Variants in VPS13A observed in about 807,000 individuals in gnomAD.
VPS13A encodes vacuolar protein sorting 13 homolog A.
In VPS13A, 264 loss-of-function variants were observed where a neutral mutation model predicts 390.9. That is an observed-to-expected ratio of 0.68 (90% CI 0.61 to 0.75). The LOEUF is 0.75. Ranked by LOEUF, VPS13A falls within the 30% of genes least tolerant of loss-of-function variation. The pLI, the probability that VPS13A is intolerant of heterozygous loss-of-function variation, is 0.00. For synonymous variants in VPS13A, 1,231 were observed against 1,227.1 expected, an observed-to-expected ratio of 1.00 and a Z score of -0.07; for missense variants, 3,409 against 3,733.9, an observed-to-expected ratio of 0.91 and a Z score of 2.27.
rs1826445191 is a variant in VPS13A, at chr9:77,273,167, C to A, written c.2428-113C>A. On this transcript the variant is annotated intron_variant, in intron 23 of 71. Coordinates refer to ENST00000360280, the MANE Select transcript of VPS13A (RefSeq NM_033305.3). Reference sequence around the variant, plus strand: ...AACCTGATTATCTTCTCAGTTAATTCAAATTGGATAGCTTTTTGTCAAAAC... The same window carrying A: ...AACCTGATTATCTTCTCAGTTAATTAAAATTGGATAGCTTTTTGTCAAAAC... The A allele has an allele frequency of 7.6e-6, 6 of 794,572 alleles. No homozygotes were observed. In the East Asian group the frequency reaches 1.7e-4, roughly 22 times the overall value. 49.2% of individuals were successfully genotyped at this position (794,572 alleles called of 1,614,324 possible). A position where few individuals can be genotyped will look rare whatever the true frequency, so the allele number is the denominator to read the frequency against.
intron 46 of VPS13A, among the ~76,000 whole-genome samples, 166 bp from the exon 47 acceptor site, chr9:77,337,089 G>A (rs1003526337): frequency 3.9e-5 from 6 of 151,944 alleles, no homozygotes; most frequent in African/African-American, 1.4e-4. Context: ...GAGCCACCGC[G>A]CCTGGCCTTA....
intron 23 of VPS13A, among the ~76,000 whole-genome samples, chr9:77,269,138 A>C (rs1408700718): frequency 6.6e-6 from 1 of 152,014 alleles, no homozygotes; most frequent in African/African-American, 2.4e-5. Flanking sequence ...ACATCTCTGC[A>C]ATTTTTGCCT....
chr9:77,254,394 G>A (rs1825326625), intron 22 of VPS13A, among the ~76,000 whole-genome samples: 1 of 152,000 alleles, frequency 6.6e-6, no homozygotes, highest in African/African-American at 2.4e-5. Context: ...TATTCCATTG[G>A]TCTCTATGTC....
Position 77,226,475 on chromosome 9 carries a change from G to C in VPS13A, c.1234G>C (p.Ala412Pro). ...AATTTATTCATTTTAGGTAAAGAAA[G>C]CTGGATACAAAATTTACAAAGAAGG... The part of the protein sequence containing the change: ...RQTAEVEVKK[A>P]GYKIYKEGVK... The change falls in exon 15 of 72, where the codon GCT becomes CCT. Residue 412 changes from alanine to proline, a missense_variant. Around this residue, in one of 5 missense-constraint regions of VPS13A, gnomAD observed 2,717 missense variants for 2,917.4 expected, o/e 0.93. Coordinates refer to ENST00000360280, the MANE Select transcript of VPS13A (RefSeq NM_033305.3). 3.1e-6 allele frequency: 5 copies of C among 1,608,898 alleles called. No individual in the cohort carries two copies. Among genetic ancestry groups the C allele is most frequent in the Non-Finnish European group, 4.3e-6 (5 of 1,175,706 alleles).
intron 23 of VPS13A, among the ~76,000 whole-genome samples, chr9:77,262,584 GCCCCCGACC>G: frequency 6.6e-6 from 1 of 151,710 alleles, no homozygotes; most frequent in Non-Finnish European, 1.5e-5. Flanking sequence ...CCCTCCCCTA[GCCCCCGACC>G]CCTCGACAGG....
In VPS13A at chr9:77,301,553, C is replaced by T. The variant is rs79538188; in HGVS notation, c.3813-1362C>T. Among the ~76,000 whole-genome samples the T allele has an allele frequency of 5.6e-3, 850 of 152,142 alleles. 8 individuals are homozygous for T. Among genetic ancestry groups the T allele is most frequent in the Middle Eastern group, 0.02 (6 of 294 alleles). On this transcript the variant is annotated intron_variant, in intron 33 of 71. Coordinates refer to ENST00000360280, the MANE Select transcript of VPS13A (RefSeq NM_033305.3). ...TCTCTCCTATTGATTAAATGATTGC[C>T]AAAATTCTACAGTCATGGTGTTATA...
chr9:77,322,195 G>GTT (rs1303113021), intron 44 of VPS13A, among the ~76,000 whole-genome samples: 3 of 142,810 alleles, frequency 2.1e-5, no homozygotes, highest in African/African-American at 5.1e-5. Context: ...TTTATAAATG[G>GTT]TTTTTTTTTT....
intron 23 of VPS13A, among the ~76,000 whole-genome samples, chr9:77,268,316 A>G (rs1826151744): frequency 6.6e-6 from 1 of 152,130 alleles, no homozygotes; most frequent in Non-Finnish European, 1.5e-5. Context: ...CCGGTTGCGA[A>G]GACTGTGGGA....
intron 50 of VPS13A, among the ~76,000 whole-genome samples, chr9:77,342,397 G>A (rs1178485081): frequency 1.7e-5 from 2 of 119,700 alleles, no homozygotes; most frequent in East Asian, 2.9e-4. Flanking sequence ...TTTCTTAACT[G>A]TCATTTTTTT....
intron 31 of VPS13A, among the ~76,000 whole-genome samples, chr9:77,290,444 A>G (rs1827582425): frequency 6.6e-6 from 1 of 151,732 alleles, no homozygotes; most frequent in African/African-American, 2.4e-5. Flanking sequence ...GTCTTTCAAT[A>G]TTTTTCATTT....
At chr9:77,327,220 G>A (rs1301942353) in intron 45 of VPS13A, among the ~76,000 whole-genome samples, 1 of 152,142 alleles carries the variant, frequency 6.6e-6, no homozygotes, top group Non-Finnish European at 1.5e-5. Context: ...ATTAGGGTGG[G>A]AAGCTATATC....
intron 35 of VPS13A, among the ~76,000 whole-genome samples, chr9:77,310,175 A>G (rs746719304): frequency 3.3e-5 from 5 of 152,192 alleles, no homozygotes; most frequent in South Asian, 2.1e-4. Context: ...AGTGTATTTC[A>G]GAAAGTCAGG....
chr9:77,226,908 C>T (rs1173177380), intron 15 of VPS13A, among the ~76,000 whole-genome samples: 1 of 151,978 alleles, frequency 6.6e-6, no homozygotes, highest in Non-Finnish European at 1.5e-5. Flanking sequence ...GAAGTTGTTT[C>T]TTGGAAAGAT....
chr9:77,269,007 T>C (rs1023587042), intron 23 of VPS13A, among the ~76,000 whole-genome samples: 1 of 152,174 alleles, frequency 6.6e-6, no homozygotes, highest in African/African-American at 2.4e-5. Context: ...TTTGTTGTAT[T>C]CTTTTCCTAG....
At chr9:77,202,440 T>G (rs1027344252) in intron 3 of VPS13A, among the ~76,000 whole-genome samples, 16 of 152,164 alleles carry the variant, frequency 1.1e-4, no homozygotes, top group African/African-American at 3.9e-4. Context: ...ATTTTTTCAT[T>G]AGCGTATAAA....
At chr9:77,202,469 G>A (rs763794489) in intron 3 of VPS13A, among the ~76,000 whole-genome samples, 2 of 151,958 alleles carry the variant, frequency 1.3e-5, no homozygotes. Flanking sequence ...CTCATAATCT[G>A]AGTTGATTTG....
intron 52 of VPS13A, among the ~76,000 whole-genome samples, chr9:77,349,019 A>C (rs1831314846): frequency 6.6e-6 from 1 of 152,008 alleles, no homozygotes; most frequent in African/African-American, 2.4e-5. Flanking sequence ...TTTCTCCTCC[A>C]CATTTCCTTC....
In VPS13A at chr9:77,418,043, G is replaced by A. The variant is rs1835222811; in HGVS notation, c.*2037G>A. The A allele has an allele frequency of 6.6e-6, 1 of 152,126 alleles. No homozygotes were observed. Among genetic ancestry groups the A allele is most frequent in the Non-Finnish European group, 1.5e-5 (1 of 68,022 alleles). The allele number at this position is 152,126 out of a possible 1,614,324, so 9.4% of individuals were successfully genotyped here. A position where few individuals can be genotyped will look rare whatever the true frequency, so the allele number is the denominator to read the frequency against. ...TCTAAACAAAAACACTAAGAAATCA[G>A]TAGATCACTAGATAATGAGTCAGTG... On this transcript the variant is annotated 3_prime_UTR_variant, in exon 72 of 72. Transcript: ENST00000360280.
chr9:77,260,206 C>T lies in VPS13A; in HGVS notation c.2409C>T (p.Ala803=), dbSNP rs1365283549. 6.2e-7 allele frequency: 1 copy of T among 1,613,224 alleles called. No homozygotes were observed. The highest frequency in any genetic ancestry group is 8.5e-7 in the Non-Finnish European group (1 of 1,179,612). ...PKPEPVTEVS[A]PVKSFQIQTS... Reference sequence around the variant, plus strand: ...CTGAACCAGTAACTGAAGTATCTGCCCCTGTCAAATCATTCCAGGTAATGT... The same window carrying T: ...CTGAACCAGTAACTGAAGTATCTGCTCCTGTCAAATCATTCCAGGTAATGT... The change falls in exon 23 of 72, where the codon GCC becomes GCT. Residue 803 remains alanine (A), a synonymous_variant. Coordinates refer to ENST00000360280, the MANE Select transcript of VPS13A (RefSeq NM_033305.3).
Sources: allele counts gnomAD v4.1 joint callset (sites outside exome capture counted in the v4.1 genomes callset), GRCh38; gene constraint gnomAD v4.1.1; regional missense constraint gnomAD v4.1.1; transcripts MANE v1.5; gene names NCBI Gene and HGNC (gene_info 2026-07-23, HGNC 2026-07-21).